Variants in CDC42 observed in about 807,000 individuals in gnomAD.
The protein encoded by CDC42 is cell division cycle 42.
In CDC42, 1 loss-of-function variant was observed where a neutral mutation model predicts 20.8. The ratio of observed to expected loss-of-function variants is 0.05; its 90% CI spans 0.02 to 0.23. CDC42 has a LOEUF of 0.23. Among genes scored for constraint, CDC42 ranks in the 10% least tolerant of loss-of-function variants. The pLI is 1.00. For missense variants in CDC42, 49 were observed against 227.9 expected (o/e 0.21, Z 5.05); for synonymous variants, 72 against 84.8 (o/e 0.85, Z 0.83).
chr1:22,055,054 C>G (rs904567605), intron 1 of CDC42, among the ~76,000 whole-genome samples: 5 of 145,426 alleles, frequency 3.4e-5, no homozygotes, highest in Non-Finnish European at 7.5e-5. Context: ...CCCAGGTTCA[C>G]ACCATTCTCC....
chr1:22,056,339 T>G (rs1317470571), intron 1 of CDC42, among the ~76,000 whole-genome samples: 5 of 152,224 alleles, frequency 3.3e-5, no homozygotes, highest in African/African-American at 1.2e-4. Context: ...TCCATCTGTT[T>G]AGGTCAGTAT....
chr1:22,087,567 T>C (rs144043033), intron 5 of CDC42, among the ~76,000 whole-genome samples: 12 of 152,320 alleles, frequency 7.9e-5, no homozygotes, highest in African/African-American at 2.9e-4. Flanking sequence ...CTTCATGATA[T>C]CGCTGATTCC....
intron 2 of CDC42, chr1:22,078,877 A>G (rs1171059778): frequency 7.9e-7 from 1 of 1,258,634 alleles, no homozygotes; most frequent in Non-Finnish European, 1.0e-6. Flanking sequence ...ACATCTTGGA[A>G]TGAGGTGACT....
At chr1:22,076,826 A>G (rs1376178670) in intron 1 of CDC42, among the ~76,000 whole-genome samples, 4 of 152,124 alleles carry the variant, frequency 2.6e-5, no homozygotes, top group South Asian at 2.1e-4. Flanking sequence ...AAAAGGAGAT[A>G]TAAAAGGAAG....
rs1645759248 is a variant in CDC42 at position 22,096,457 on chromosome 1, A to G, written c.*4940A>G. Among the ~76,000 whole-genome samples the G allele has an allele frequency of 6.6e-6, 1 of 152,172 alleles. No homozygotes were observed. Among genetic ancestry groups the G allele is most frequent in the South Asian group, 2.1e-4 (1 of 4,834 alleles). ...TTCCACTTTGCATTGCTCCCAAGAGAGTAATGTAAAAGTTTTATCTGTGCA... is the reference window on the plus strand; with the variant it reads ...TTCCACTTTGCATTGCTCCCAAGAGGGTAATGTAAAAGTTTTATCTGTGCA... On this transcript the variant is annotated 3_prime_UTR_variant, in exon 6 of 6. Coordinates refer to ENST00000656825, the MANE Select transcript of CDC42 (RefSeq NM_001791.4).
chr1:22,055,867 GT>G (rs35437576), intron 1 of CDC42, among the ~76,000 whole-genome samples: 91 of 126,646 alleles, frequency 7.2e-4, no homozygotes, highest in East Asian at 4.7e-3. Flanking sequence ...TTGTTTTAGA[GT>G]TTTTTTTTTT....
rs200889790 is a variant in CDC42, at chr1:22,095,948, A to AATTT, written c.*4456_*4459dup. 5.8e-3 allele frequency among the ~76,000 whole-genome samples: 886 copies of AATTT among 151,662 alleles called. 10 individuals carry two copies. The highest frequency in any genetic ancestry group is 0.017 in the African/African-American group (703 of 41,172). On this transcript the variant is annotated 3_prime_UTR_variant, in exon 6 of 6. Coordinates refer to ENST00000656825, the MANE Select transcript of CDC42 (RefSeq NM_001791.4). ...TGCTATTCATTCATTTTTTTAAAAA[A>AATTT]ATTTATTTATTTATTTATTTATTTA...
In CDC42 at chr1:22,093,603, G is replaced by T. The variant is rs1384758986; in HGVS notation, c.*2086G>T. On this transcript the variant is annotated 3_prime_UTR_variant, in exon 6 of 6. Transcript: ENST00000656825. ...TCATTTTGATAGTTCTCTGCATGGA[G>T]TCATGTTTGGCATGATTTGCATACT... Among the ~76,000 whole-genome samples, 1 of 152,222 alleles carries T rather than the reference G, an allele frequency of 6.6e-6. No homozygotes were observed. The highest frequency in any genetic ancestry group is 1.9e-4 in the East Asian group (1 of 5,202).
chr1:22,090,324 G>A (rs1645703218), intron 5 of CDC42: 1 of 1,090,978 alleles, frequency 9.2e-7, no homozygotes, highest in Admixed American at 4.6e-5. Flanking sequence ...CTGGCTTTAA[G>A]AATGTCCTCT....
intron 2 of CDC42, 192 bp downstream of exon 2, chr1:22,078,775 G>A (rs927977264): frequency 5.4e-6 from 8 of 1,476,196 alleles, no homozygotes; most frequent in South Asian, 3.6e-5. Context: ...GTCAGAAGGG[G>A]TGACACAGGG....
rs1474161663 is a variant in CDC42 at position 22,099,917 on chromosome 1, AGCTTGTCCAAGAATTCAGAGCT to A, written c.*8401_*8422del. On this transcript the variant is annotated 3_prime_UTR_variant, in exon 6 of 6. Transcript: ENST00000656825. ...AAAGCTTGTCCAAGAATTCAGAGCT[AGCTTGTCCAAGAATTCAGAGCT>A]AGTAAGTGAGGGAACTGGGATTTGA... is the stretch of plus-strand genomic sequence containing the variant. Among the ~76,000 whole-genome samples the A allele has an allele frequency of 2.8e-3, 6 of 2,138 alleles. No individual in the cohort carries two copies. The highest frequency in any genetic ancestry group is 0.016 in the African/African-American group (6 of 370). 1.4% of individuals were successfully genotyped at this position (2,138 alleles called of 152,430 possible).
chr1:22,075,980 T>C (rs1645545092), intron 1 of CDC42, among the ~76,000 whole-genome samples: 3 of 152,244 alleles, frequency 2.0e-5, no homozygotes, highest in Admixed American at 1.3e-4. Context: ...AGTAGTTATA[T>C]GCAGGGTGAA....
rs1048474415 is a variant in CDC42 at position 22,101,157 on chromosome 1, G to C, written c.*9640G>C. Reference sequence around the variant, plus strand: ...TGGTACATATAGCGTGATAAATCAAGTCCTGTTTTTGCTCCTAACTTGCAT... The same window carrying C: ...TGGTACATATAGCGTGATAAATCAACTCCTGTTTTTGCTCCTAACTTGCAT... On this transcript the variant is annotated 3_prime_UTR_variant, in exon 6 of 6. Transcript: ENST00000656825. 4 of 152,156 alleles carry C rather than the reference G, an allele frequency of 2.6e-5. No homozygotes were observed. Among genetic ancestry groups the C allele is most frequent in the African/African-American group, 9.7e-5 (4 of 41,428 alleles). The allele number at this position is 152,156 out of a possible 1,614,324, so 9.4% of individuals were successfully genotyped here.
intron 3 of CDC42, among the ~76,000 whole-genome samples, chr1:22,085,917 C>T (rs183074970): frequency 1.3e-5 from 2 of 152,298 alleles, no homozygotes; most frequent in African/African-American, 4.8e-5. Context: ...GCCATCTCGG[C>T]TCACTGCAAC....
intron 5 of CDC42, chr1:22,090,856 G>A (rs773612847): frequency 4.7e-5 from 45 of 958,360 alleles, no homozygotes; most frequent in Non-Finnish European, 5.5e-5. Context: ...CTAATTTTAC[G>A]TATGTATCAG....
At chr1:22,082,962 C>CA (rs1645624376) in intron 3 of CDC42, among the ~76,000 whole-genome samples, 1 of 150,794 alleles carries the variant, frequency 6.6e-6, no homozygotes, top group Non-Finnish European at 1.5e-5. Flanking sequence ...TCACCGCAAC[C>CA]TCCGCCTCCC....
chr1:22,077,205 T>C (rs1645561587), intron 1 of CDC42, among the ~76,000 whole-genome samples: 1 of 150,976 alleles, frequency 6.6e-6, no homozygotes, highest in Non-Finnish European at 1.5e-5. Context: ...AGCGGGAGAG[T>C]GTATATTTCA....
chr1:22,090,817 A>C (rs550992111), intron 5 of CDC42: 1 of 985,046 alleles, frequency 1.0e-6, no homozygotes, highest in South Asian at 4.7e-5. Flanking sequence ...ATGCCTGATG[A>C]AGCTTTATTC....
chr1:22,063,760 A>G (rs1022448698), intron 1 of CDC42, among the ~76,000 whole-genome samples: 5 of 152,044 alleles, frequency 3.3e-5, no homozygotes, highest in African/African-American at 9.7e-5. Context: ...TGCTCTTGTC[A>G]TCCAGGCTGG....
Sources: gnomAD v4.1 joint callset for allele counts (sites outside exome capture counted in the v4.1 genomes callset) on GRCh38, gnomAD v4.1.1 for gene constraint, MANE v1.5 for transcripts, NCBI Gene and HGNC (gene_info 2026-07-23, HGNC 2026-07-21) for gene names.